SENP6: variants seen among roughly 807,000 people sequenced by gnomAD.
SENP6 encodes SUMO specific peptidase 6.
Under a neutral mutation model 134.5 loss-of-function variants are expected in SENP6, and 41 were observed. The observed-to-expected ratio is 0.30, with a 90% CI of 0.24 to 0.40. SENP6 has a LOEUF of 0.40. Ranked by LOEUF, SENP6 falls within the 10% of genes least tolerant of loss-of-function variation. SENP6 has a pLI of 1.00. For synonymous variants in SENP6, 395 were observed against 429.8 expected, an observed-to-expected ratio of 0.92 and a Z score of 1.00; for missense variants, 1,248 against 1,312.5, an observed-to-expected ratio of 0.95 and a Z score of 0.76.
chr6:75,647,691 A>G (rs375710393), intron 6 of SENP6, 40 bp from the exon 7 acceptor site: 9 of 1,398,652 alleles, frequency 6.4e-6, no homozygotes, highest in African/African-American at 2.8e-5. Context: ...TGAAAACTGT[A>G]TTTCCTGTTA....
At chr6:75,668,881 C>G (rs1296600316) in intron 10 of SENP6, among the ~76,000 whole-genome samples, 1 of 152,118 alleles carries the variant, frequency 6.6e-6, no homozygotes, top group Non-Finnish European at 1.5e-5. Context: ...GATGATGCTC[C>G]ATGGAGGGTG....
At chr6:75,703,500 A>T (rs1376239320) in intron 19 of SENP6, among the ~76,000 whole-genome samples, 1 of 151,930 alleles carries the variant, frequency 6.6e-6, no homozygotes, top group African/African-American at 2.4e-5. Flanking sequence ...GTGGCTCACG[A>T]CTGTAATCCT....
Position 75,705,924 on chromosome 6 carries a change from CCTTTTTTTT to C in SENP6, c.2716+2853_2716+2861del, listed in dbSNP as rs1215514235. On this transcript the variant is annotated intron_variant, in intron 19 of 23. Coordinates refer to ENST00000447266, the MANE Select transcript of SENP6 (RefSeq NM_015571.4). ...AGTGAGTTAGAAAGCTATTTTTGAG[CCTTTTTTTT>C]TTTTTTTTTTTTTTTTTTTTTGAGA... Among the ~76,000 whole-genome samples, 346 of 89,268 alleles carry C rather than the reference CCTTTTTTTT, an allele frequency of 3.9e-3. 39 individuals are homozygous for C. Among genetic ancestry groups the C allele is most frequent in the African/African-American group, 0.011 (237 of 22,268 alleles). 58.6% of individuals were successfully genotyped at this position (89,268 alleles called of 152,430 possible).
intron 3 of SENP6, among the ~76,000 whole-genome samples, chr6:75,625,283 T>A (rs1420271439): frequency 6.6e-6 from 1 of 151,916 alleles, no homozygotes; most frequent in African/African-American, 2.4e-5. Flanking sequence ...GGCTAATTTT[T>A]TTTTTATTTT....
intron 7 of SENP6, among the ~76,000 whole-genome samples, chr6:75,657,685 C>G (rs1160938295): frequency 6.6e-6 from 1 of 152,148 alleles, no homozygotes; most frequent in Non-Finnish European, 1.5e-5. Context: ...GTAATTTCTG[C>G]TCTTCCCAGA....
intron 6 of SENP6, among the ~76,000 whole-genome samples, chr6:75,642,137 A>G (rs1232460108): frequency 1.3e-5 from 2 of 152,226 alleles, no homozygotes; most frequent in Non-Finnish European, 2.9e-5. Flanking sequence ...GCTGCCTTTT[A>G]GGCATACGCT....
intron 1 of SENP6, among the ~76,000 whole-genome samples, chr6:75,616,112 A>G (rs946316652): frequency 1.3e-5 from 2 of 151,998 alleles, no homozygotes; most frequent in Admixed American, 1.3e-4. Flanking sequence ...TTGTCATTTT[A>G]GTGGAGGATA....
intron 16 of SENP6, among the ~76,000 whole-genome samples, chr6:75,687,967 C>G (rs1310248952): frequency 6.7e-6 from 1 of 150,180 alleles, no homozygotes; most frequent in African/African-American, 2.5e-5. Flanking sequence ...CTGCAGTTGT[C>G]TGCTGCCTAT....
intron 1 of SENP6, among the ~76,000 whole-genome samples, chr6:75,621,288 T>C (rs1768249679): frequency 1.3e-5 from 2 of 152,224 alleles, no homozygotes; most frequent in South Asian, 4.1e-4. Context: ...GTTTTTATTA[T>C]AGCTTTCTAA....
At chr6:75,659,233 TAA>T in intron 7 of SENP6, 27 bp from the exon 8 acceptor site, 2 of 1,547,692 alleles carry the variant, frequency 1.3e-6, no homozygotes, top group Non-Finnish European at 1.7e-6. Flanking sequence ...AACTAAAACT[TAA>T]AGTTTATTTT....
chr6:75,603,736 C>T (rs751816278), intron 1 of SENP6, among the ~76,000 whole-genome samples: 1 of 152,022 alleles, frequency 6.6e-6, no homozygotes, highest in Non-Finnish European at 1.5e-5. Context: ...ACAGTAGGTA[C>T]TCAGTGTTAG....
Position 75,717,142 on chromosome 6 carries a change from T to C in SENP6, c.*1548T>C, listed in dbSNP as rs949761406. 1.3e-5 allele frequency: 2 copies of C among 152,058 alleles called. No individual in the cohort carries two copies. The highest frequency in any genetic ancestry group is 2.9e-5 in the Non-Finnish European group (2 of 67,894). 9.4% of individuals were successfully genotyped at this position (152,058 alleles called of 1,614,324 possible). A position where few individuals can be genotyped will look rare whatever the true frequency, so the allele number is the denominator to read the frequency against. On this transcript the variant is annotated 3_prime_UTR_variant, in exon 24 of 24. Transcript: ENST00000447266. ...GCTCAGATATCTTAATTAGCTCATA[T>C]GAAAAACAAGTTTAATTTTATTATT...
At chr6:75,620,014 G>A (rs1171007583) in intron 1 of SENP6, among the ~76,000 whole-genome samples, 4 of 149,936 alleles carry the variant, frequency 2.7e-5, no homozygotes, top group Non-Finnish European at 4.4e-5. Context: ...GATCATTTGG[G>A]CCCAAGAAGT....
At chr6:75,664,132 CA>C (rs1772004195) in intron 9 of SENP6, among the ~76,000 whole-genome samples, 1 of 151,802 alleles carries the variant, frequency 6.6e-6, no homozygotes, top group Non-Finnish European at 1.5e-5. Flanking sequence ...GGAGAATGAA[CA>C]TAATTTCTTC....
chr6:75,690,366 A>T (rs1774155696), intron 16 of SENP6, among the ~76,000 whole-genome samples: 1 of 152,208 alleles, frequency 6.6e-6, no homozygotes, highest in African/African-American at 2.4e-5. Flanking sequence ...TCCTTCCTTA[A>T]AAAGGAAGGA....
intron 19 of SENP6, among the ~76,000 whole-genome samples, chr6:75,705,691 G>GTGCC (rs1301420889): frequency 6.6e-6 from 1 of 151,844 alleles, no homozygotes; most frequent in Non-Finnish European, 1.5e-5. Flanking sequence ...GCTATAGTGT[G>GTGCC]TGCCTTGCAA....
intron 16 of SENP6, chr6:75,679,800 T>C (rs1290525575): frequency 6.6e-6 from 1 of 152,260 alleles, no homozygotes; most frequent in Non-Finnish European, 1.5e-5. Context: ...GTATGCATAG[T>C]TCTCTGTAAT....
chr6:75,703,729 T>A (rs1775200072), intron 19 of SENP6, among the ~76,000 whole-genome samples: 1 of 151,952 alleles, frequency 6.6e-6, no homozygotes. Context: ...ACCACTGCAG[T>A]CCAGCCTGGG....
At chr6:75,658,821 A>T (rs1272523928) in intron 7 of SENP6, among the ~76,000 whole-genome samples, 4 of 151,902 alleles carry the variant, frequency 2.6e-5, no homozygotes, top group African/African-American at 9.7e-5. Context: ...ATAATAAAAA[A>T]ATTAGCTGAG....
Sources: gnomAD v4.1 joint callset for allele counts (sites outside exome capture counted in the v4.1 genomes callset) on GRCh38, gnomAD v4.1.1 for gene constraint, MANE v1.5 for transcripts, NCBI Gene and HGNC (gene_info 2026-07-23, HGNC 2026-07-21) for gene names.